TRPS1: variants seen among roughly 807,000 people sequenced by gnomAD.
TRPS1 encodes zinc finger transcription factor Trps1.
TRPS1 carries 6 observed loss-of-function variants against 101.2 expected under a neutral mutation model. That is an observed-to-expected ratio of 0.06 (90% CI 0.03 to 0.12). The LOEUF is 0.12. Among genes scored for constraint, TRPS1 ranks in the 10% least tolerant of loss-of-function variants. TRPS1 has a pLI of 1.00. For synonymous variants in TRPS1, 578 were observed against 589.8 expected (o/e 0.98, Z 0.29); for missense variants, 1,363 against 1,567.0 (o/e 0.87, Z 2.20).
intron 5 of TRPS1, among the ~76,000 whole-genome samples, chr8:115,432,408 C>T (rs2129836728): frequency 6.6e-6 from 1 of 151,874 alleles, no homozygotes; most frequent in Non-Finnish European, 1.5e-5. Flanking sequence ...ATTTAAAAGT[C>T]CACAATTTTA....
chr8:115,587,172 A>C lies in TRPS1; in HGVS notation c.2529T>G (p.Ser843Arg), dbSNP rs759628211. 3 of 1,614,170 alleles carry C rather than the reference A, an allele frequency of 1.9e-6. No individual in the cohort carries two copies. Among genetic ancestry groups the C allele is most frequent in the Non-Finnish European group, 2.5e-6 (3 of 1,180,012 alleles). The change falls in exon 5 of 7, where the codon AGT becomes AGG. Residue 843 changes from serine to arginine, a missense_variant. Around this residue, in one of 5 missense-constraint regions of TRPS1, gnomAD observed 1,020 missense variants for 1,073.0 expected, o/e 0.95. Coordinates refer to ENST00000395715, the MANE Select transcript of TRPS1 (RefSeq NM_014112.5). ...CCAGATGGGCGGCCTCCACATTGGG[A>C]CTATCCCTTAGAGTCTTTGTCTGCT... ...TQEQTKTLRDSPNVEAAHLAR... is the reference protein window; with the variant it reads ...TQEQTKTLRDRPNVEAAHLAR...
chr8:115,569,324 A>G (rs1056373133), intron 5 of TRPS1, among the ~76,000 whole-genome samples: 1 of 152,130 alleles, frequency 6.6e-6, no homozygotes, highest in Non-Finnish European at 1.5e-5. Flanking sequence ...CCATACAGCT[A>G]TACCCTCTCT....
intron 5 of TRPS1, among the ~76,000 whole-genome samples, chr8:115,484,647 C>CT (rs1211466114): frequency 1.3e-5 from 2 of 152,098 alleles, no homozygotes; most frequent in Non-Finnish European, 2.9e-5. Context: ...TCAAAAATGA[C>CT]TTTTTTCCTG....
At chr8:115,484,663 C>G (rs1348616931) in intron 5 of TRPS1, among the ~76,000 whole-genome samples, 5 of 152,114 alleles carry the variant, frequency 3.3e-5, no homozygotes, top group Non-Finnish European at 7.4e-5. Flanking sequence ...TCCTGGAAAT[C>G]ACACCAATTA....
chr8:115,559,806 T>A (rs1298577479), intron 5 of TRPS1, among the ~76,000 whole-genome samples: 1 of 152,110 alleles, frequency 6.6e-6, no homozygotes, highest in Non-Finnish European at 1.5e-5. Flanking sequence ...TTCCCCCAGG[T>A]GTACATCTTT....
intron 1 of TRPS1, among the ~76,000 whole-genome samples, chr8:115,627,465 TCTG>T (rs1458282545): frequency 2.0e-5 from 3 of 151,822 alleles, no homozygotes; most frequent in African/African-American, 4.8e-5. Context: ...TCAACTGGTC[TCTG>T]GGCAAAGAGC....
intron 5 of TRPS1, among the ~76,000 whole-genome samples, chr8:115,427,499 T>C (rs1813215654): frequency 6.6e-6 from 1 of 152,002 alleles, no homozygotes; most frequent in South Asian, 2.1e-4. Flanking sequence ...CCCTCCACTT[T>C]ATAGATGAGA....
At chr8:115,563,859 T>C (rs1029867041) in intron 5 of TRPS1, among the ~76,000 whole-genome samples, 6 of 152,120 alleles carry the variant, frequency 3.9e-5, no homozygotes, top group African/African-American at 1.2e-4. Context: ...CTTGGGTTTA[T>C]TTAACATTGC....
At chr8:115,651,469 CCTG>C in intron 1 of TRPS1, among the ~76,000 whole-genome samples, 1 of 152,256 alleles carries the variant, frequency 6.6e-6, no homozygotes, top group African/African-American at 2.4e-5. Flanking sequence ...TTTCTCAGTA[CCTG>C]AAAGTCTATG....
At chr8:115,508,500 T>G (rs1160858066) in intron 5 of TRPS1, among the ~76,000 whole-genome samples, 2 of 152,072 alleles carry the variant, frequency 1.3e-5, no homozygotes, top group Non-Finnish European at 2.9e-5. Context: ...AGCACCATGT[T>G]GGAAACACAT....
At chr8:115,450,516 CT>C (rs751319335) in intron 5 of TRPS1, among the ~76,000 whole-genome samples, 1 of 151,574 alleles carries the variant, frequency 6.6e-6, no homozygotes, top group South Asian at 2.1e-4. Context: ...TGCGCTGACT[CT>C]TTTTTTAAAA....
chr8:115,419,963 C>T (rs1813012096), intron 5 of TRPS1, among the ~76,000 whole-genome samples: 2 of 152,116 alleles, frequency 1.3e-5, no homozygotes, highest in African/African-American at 4.8e-5. Context: ...GCTGCACAGC[C>T]ATAAAAATCT....
intron 5 of TRPS1, among the ~76,000 whole-genome samples, chr8:115,449,091 G>A (rs1360675787): frequency 6.6e-6 from 1 of 151,988 alleles, no homozygotes; most frequent in Non-Finnish European, 1.5e-5. Flanking sequence ...ATTTGAAAAG[G>A]TCATTATTTG....
intron 1 of TRPS1, among the ~76,000 whole-genome samples, chr8:115,648,045 G>A (rs1811460113): frequency 6.6e-6 from 1 of 152,094 alleles, no homozygotes; most frequent in African/African-American, 2.4e-5. Flanking sequence ...AGTAGCTGCT[G>A]ATGAACCCAA....
intron 5 of TRPS1, among the ~76,000 whole-genome samples, chr8:115,457,510 G>A (rs1814060394): frequency 6.6e-6 from 1 of 152,114 alleles, no homozygotes; most frequent in South Asian, 2.1e-4. Context: ...AGTTTTAGAA[G>A]ATCAGAGTTC....
chr8:115,604,066 T>C lies in TRPS1; in HGVS notation c.1903A>G (p.Thr635Ala), dbSNP rs13249097. Reference protein sequence around the residue: ...VKHQCHQCSFTTPDVDVLLFH... With the variant: ...VKHQCHQCSFATPDVDVLLFH... The stretch of plus-strand genomic sequence containing the variant: ...AGGAGTACATCTACGTCAGGGGTGG[T>C]GAATGAACACTGATGGCACTGATGT... Residue 635 changes from threonine (T) to alanine (A), a missense_variant, in exon 4 of 7, where the codon ACC (threonine) becomes GCC (alanine). By Grantham distance (58) the Thr-to-Ala change is moderately conservative. Coordinates refer to ENST00000395715, the MANE Select transcript of TRPS1 (RefSeq NM_014112.5). The surrounding 1 kb of genome is among the most constrained non-coding windows in gnomAD (Gnocchi z 4.1). 1.2e-6 allele frequency: 2 copies of C among 1,613,902 alleles called. No individual in the cohort carries two copies. Among genetic ancestry groups the C allele is most frequent in the Non-Finnish European group, 1.7e-6 (2 of 1,179,970 alleles).
At chr8:115,573,824 T>C (rs188647294) in intron 5 of TRPS1, among the ~76,000 whole-genome samples, 3 of 152,300 alleles carry the variant, frequency 2.0e-5, no homozygotes, top group African/African-American at 7.2e-5. Context: ...ATCCTGAAAA[T>C]GCCCCTTGTA....
chr8:115,576,489 C>A (rs1159164908), intron 5 of TRPS1, among the ~76,000 whole-genome samples: 2 of 151,982 alleles, frequency 1.3e-5, no homozygotes, highest in Non-Finnish European at 2.9e-5. Context: ...CTGCATACTT[C>A]AAACTATAAT....
Position 115,604,085 on chromosome 8 carries a change from C to T in TRPS1, c.1884G>A (p.Gln628=). 6.2e-7 allele frequency: 1 copy of T among 1,614,060 alleles called. No individual in the cohort carries two copies. The highest frequency in any genetic ancestry group is 8.5e-7 in the Non-Finnish European group (1 of 1,179,982). The stretch of plus-strand genomic sequence containing the variant: ...GGGTGGTGAATGAACACTGATGGCA[C>T]TGATGTTTGACTCGCGAGCTTCCAG... ...GAAGSSRVKH[Q]CHQCSFTTPD... Residue 628 remains glutamine (Q), a synonymous_variant, in exon 4 of 7, where the codon CAG becomes CAA. Coordinates refer to ENST00000395715, the MANE Select transcript of TRPS1 (RefSeq NM_014112.5). This position sits in a 1 kb window ranked among gnomAD's most constrained non-coding sequence, Gnocchi z 4.1.
Sources: allele counts gnomAD v4.1 joint callset (sites outside exome capture counted in the v4.1 genomes callset), GRCh38; gene constraint gnomAD v4.1.1; regional missense constraint gnomAD v4.1.1; non-coding constraint Gnocchi (gnomAD v3.1); transcripts MANE v1.5; gene names NCBI Gene and HGNC (gene_info 2026-07-23, HGNC 2026-07-21).